The following CPNE8 variants were observed in gnomAD, a reference collection of about 807,000 sequenced individuals.
The protein encoded by CPNE8 is copine-8.
Under a neutral mutation model 81.5 loss-of-function variants are expected in CPNE8, and 45 were observed. That is an observed-to-expected ratio of 0.55 (90% CI 0.44 to 0.71). The LOEUF (loss-of-function observed/expected upper bound fraction) is 0.71. CPNE8 is among the 30% of genes least tolerant of loss of function. CPNE8 has a pLI of 0.00. For synonymous variants in CPNE8, 252 were observed against 226.3 expected (o/e 1.11, Z -1.02); for missense variants, 594 against 672.1 (o/e 0.88, Z 1.28).
rs1199880445 is a variant in CPNE8 at position 38,677,577 on chromosome 12, G to A, written c.1272-23C>T. ...TATCTGAAAGGCAACGAAAAGGTAA[G>A]GAAAGTAAAACAGTTTTCTATATGT... is the stretch of plus-strand genomic sequence containing the variant. On this transcript the variant is annotated intron_variant, in intron 16 of 19. Coordinates refer to ENST00000331366, the MANE Select transcript of CPNE8 (RefSeq NM_153634.3). The A allele has an allele frequency of 4.2e-6, 6 of 1,438,760 alleles. No homozygotes were observed. The Admixed American group carries it at 5.1e-5, about 12-fold the overall frequency. The allele number at this position is 1,438,760 out of a possible 1,614,324, so 89.1% of individuals were successfully genotyped here.
At chr12:38,657,991 C>A (rs1441391586) in intron 19 of CPNE8, among the ~76,000 whole-genome samples, 1 of 152,114 alleles carries the variant, frequency 6.6e-6, no homozygotes, top group Non-Finnish European at 1.5e-5. Flanking sequence ...CGCCACTTCT[C>A]CACCAAAAGA....
chr12:38,746,842 A>C (rs1200458203), intron 10 of CPNE8, among the ~76,000 whole-genome samples: 4 of 152,194 alleles, frequency 2.6e-5, no homozygotes, highest in Non-Finnish European at 5.9e-5. Context: ...CTATATATAA[A>C]AAAGAGATTG....
At chr12:38,864,980 G>A (rs1943894725) in intron 3 of CPNE8, among the ~76,000 whole-genome samples, 1 of 152,204 alleles carries the variant, frequency 6.6e-6, no homozygotes, top group Non-Finnish European at 1.5e-5. Context: ...AGGAATTCCT[G>A]TCCTGAAGAT....
upstream of CPNE8, chr12:38,905,937 C>G: frequency 1.0e-6 from 1 of 985,384 alleles, no homozygotes; most frequent in Non-Finnish European, 1.2e-6. Context: ...AAGCCCTCGC[C>G]GGCTCTGCGT....
chr12:38,881,059 A>G (rs1333045128), intron 1 of CPNE8, among the ~76,000 whole-genome samples: 1 of 151,888 alleles, frequency 6.6e-6, no homozygotes, highest in Non-Finnish European at 1.5e-5. Flanking sequence ...AAATACAAAA[A>G]ATTAGCTGGG....
intron 14 of CPNE8, among the ~76,000 whole-genome samples, chr12:38,700,221 A>G (rs1437143290): frequency 6.7e-6 from 1 of 149,688 alleles, no homozygotes; most frequent in Non-Finnish European, 1.5e-5. Context: ...TTCCCTCATC[A>G]GATTAGGAAG....
At chr12:38,742,520 G>C (rs1941131130) in intron 10 of CPNE8, among the ~76,000 whole-genome samples, 1 of 146,804 alleles carries the variant, frequency 6.8e-6, no homozygotes, top group Non-Finnish European at 1.5e-5. Flanking sequence ...CACACACTGG[G>C]TCCTGTTGTG....
At chr12:38,764,796 T>A (rs1184459877) in intron 8 of CPNE8, among the ~76,000 whole-genome samples, 1 of 152,088 alleles carries the variant, frequency 6.6e-6, no homozygotes, top group African/African-American at 2.4e-5. Flanking sequence ...TTCTAATATA[T>A]AGCAAGTCTT....
In CPNE8 at chr12:38,762,174, TAG is replaced by T. The variant is rs1263029185; in HGVS notation, c.616_617del (p.Leu206LysfsTer16). ...TCTTGAATGCTTGCCATACTGGATT[TAG>T]AGTGTTTTTGACAACTTCTGTCTTG... ...CHKTEVVKNT[L>X]NPVWQAFKIS... On this transcript the variant is annotated frameshift_variant, in exon 9 of 20. Coordinates refer to ENST00000331366, the MANE Select transcript of CPNE8 (RefSeq NM_153634.3). LOFTEE classifies it high-confidence loss of function. The T allele has an allele frequency of 6.2e-7, 1 of 1,607,294 alleles. No homozygotes were observed. The highest frequency in any genetic ancestry group is 2.2e-5 in the East Asian group (1 of 44,468).
intron 17 of CPNE8, 23 bp downstream of exon 17, chr12:38,677,429 A>T: frequency 7.6e-7 from 1 of 1,308,894 alleles, no homozygotes; most frequent in South Asian, 1.2e-5. Context: ...TAGCGAGCCC[A>T]ATACGGAGTG....
At chr12:38,823,744 G>C (rs1943144594) in intron 6 of CPNE8, among the ~76,000 whole-genome samples, 1 of 152,136 alleles carries the variant, frequency 6.6e-6, no homozygotes, top group African/African-American at 2.4e-5. Context: ...CCAGAGGAGA[G>C]AATGGCAATC....
chr12:38,825,916 AT>A (rs971852273), intron 6 of CPNE8, among the ~76,000 whole-genome samples: 26 of 152,118 alleles, frequency 1.7e-4, no homozygotes, highest in Non-Finnish European at 1.2e-4. Context: ...CCCATTTTTA[AT>A]TAATCTTTCC....
chr12:38,802,801 A>G lies in CPNE8; in HGVS notation c.408-26500T>C, dbSNP rs867365112. Among the ~76,000 whole-genome samples the G allele has an allele frequency of 2.7e-3, 375 of 139,446 alleles. 5 individuals carry two copies. Among genetic ancestry groups the G allele is most frequent in the African/African-American group, 9.4e-3 (350 of 37,298 alleles). 91.5% of individuals were successfully genotyped at this position (139,446 alleles called of 152,430 possible). ...AAAAAGAGAGAAGAATCAAATAGAC[A>G]CAATAAAAAATGATAAAGGGGATAT... On this transcript the variant is annotated intron_variant, in intron 6 of 19. Transcript: ENST00000331366.
At chr12:38,748,991 G>A (rs1471780621) in intron 10 of CPNE8, among the ~76,000 whole-genome samples, 1 of 151,652 alleles carries the variant, frequency 6.6e-6, no homozygotes, top group Admixed American at 6.6e-5. Flanking sequence ...TTTTTTTGTT[G>A]ATTAGTAGTT....
intron 15 of CPNE8, among the ~76,000 whole-genome samples, chr12:38,692,608 C>T (rs11833570): frequency 0.022 from 3,360 of 152,064 alleles, 122 homozygotes; most frequent in African/African-American, 0.076. Flanking sequence ...AAGGAATGAA[C>T]ACAGAGGCAG....
chr12:38,791,227 A>C (rs916875740), intron 6 of CPNE8, among the ~76,000 whole-genome samples: 2 of 151,608 alleles, frequency 1.3e-5, no homozygotes, highest in African/African-American at 4.8e-5. Flanking sequence ...CAGATGTTTC[A>C]TTTCTCCCAG....
chr12:38,694,381 G>A (rs1158382082), intron 14 of CPNE8, among the ~76,000 whole-genome samples: 1 of 152,142 alleles, frequency 6.6e-6, no homozygotes, highest in Non-Finnish European at 1.5e-5. Flanking sequence ...CACAACTTTC[G>A]AATGAGACAT....
intron 19 of CPNE8, among the ~76,000 whole-genome samples, chr12:38,656,031 A>G (rs576290443): frequency 6.6e-5 from 10 of 151,834 alleles, no homozygotes; most frequent in African/African-American, 2.2e-4. Flanking sequence ...GAGAATTAGA[A>G]CTTTTGTGAA....
At chr12:38,729,443 T>A (rs926172311) in intron 11 of CPNE8, among the ~76,000 whole-genome samples, 1 of 152,022 alleles carries the variant, frequency 6.6e-6, no homozygotes, top group African/African-American at 2.4e-5. Flanking sequence ...TCCCATTAGG[T>A]ACTGAAATTT....
Sources: gnomAD v4.1 joint callset for allele counts (sites outside exome capture counted in the v4.1 genomes callset) on GRCh38, gnomAD v4.1.1 for gene constraint, MANE v1.5 for transcripts, NCBI Gene and HGNC (gene_info 2026-07-23, HGNC 2026-07-21) for gene names.